The following PHLDB2 variants were observed in gnomAD, a reference collection of about 807,000 sequenced individuals.
The protein encoded by PHLDB2 is pleckstrin homology-like domain family B member 2.
In PHLDB2, 71 loss-of-function variants were observed where a neutral mutation model predicts 123.6. The observed-to-expected ratio is 0.57, with a 90% CI of 0.47 to 0.70. The LOEUF is 0.70. Among genes scored for constraint, PHLDB2 ranks in the 30% least tolerant of loss-of-function variants. The pLI, the probability that PHLDB2 is intolerant of heterozygous loss-of-function variation, is 0.00. For missense variants in PHLDB2, 1,446 were observed against 1,519.5 expected (o/e 0.95, Z 0.80); for synonymous variants, 547 against 541.6 (o/e 1.01, Z -0.14).
intron 1 of PHLDB2, among the ~76,000 whole-genome samples, chr3:111,860,325 C>T (rs2064762054): frequency 6.6e-6 from 1 of 152,052 alleles, no homozygotes; most frequent in South Asian, 2.1e-4. Flanking sequence ...CTTTAACCGC[C>T]AAAAGCGGCT....
chr3:111,862,909 C>T (rs2064903967), intron 1 of PHLDB2, among the ~76,000 whole-genome samples: 1 of 152,108 alleles, frequency 6.6e-6, no homozygotes, highest in Admixed American at 6.5e-5. Context: ...CTTTAGGACT[C>T]ATAAGGTCTC....
intron 1 of PHLDB2, among the ~76,000 whole-genome samples, chr3:111,761,194 A>G (rs1395514804): frequency 1.3e-5 from 2 of 151,776 alleles, no homozygotes; most frequent in Non-Finnish European, 2.9e-5. Context: ...AAAAAAAAAA[A>G]AAAAGAAAAA....
At chr3:111,845,865 C>T (rs373228894) in exon 2 of PHLDB2, 7 of 1,613,966 alleles carry the variant, frequency 4.3e-6, no homozygotes, top group Non-Finnish European at 5.9e-6. Context: ...AGCAGAAGAT[C>T]CTGATGGAGG....
At chr3:111,812,658 T>C (rs553034813) in intron 1 of PHLDB2, among the ~76,000 whole-genome samples, 1 of 152,306 alleles carries the variant, frequency 6.6e-6, no homozygotes, top group Non-Finnish European at 1.5e-5. Context: ...TTATCCCAAC[T>C]GTTCAAAGCA....
intron 1 of PHLDB2, among the ~76,000 whole-genome samples, chr3:111,881,456 G>A (rs1000261957): frequency 2.6e-5 from 4 of 152,160 alleles, no homozygotes; most frequent in Admixed American, 2.0e-4. Context: ...TTATGGGAGA[G>A]ATGAACTGCT....
At chr3:111,949,117 A>G in intron 10 of PHLDB2, 42 bp downstream of exon 10, 1 of 1,604,782 alleles carries the variant, frequency 6.2e-7, no homozygotes, top group Non-Finnish European at 8.5e-7. Flanking sequence ...GCTTTTCTTC[A>G]TGTCAGAAAT....
intron 2 of PHLDB2, among the ~76,000 whole-genome samples, chr3:111,898,117 A>G (rs1348164363): frequency 6.6e-6 from 1 of 151,654 alleles, no homozygotes; most frequent in Admixed American, 6.6e-5. Flanking sequence ...TGCTGACTGA[A>G]CAAGCTGGTG....
At chr3:111,754,090 T>G (rs1383796783) in intron 1 of PHLDB2, among the ~76,000 whole-genome samples, 1 of 152,096 alleles carries the variant, frequency 6.6e-6, no homozygotes, top group African/African-American at 2.4e-5. Flanking sequence ...GCGTGATGCC[T>G]CCAGCTTTGT....
intron 1 of PHLDB2, among the ~76,000 whole-genome samples, chr3:111,797,625 T>C (rs1182887823): frequency 6.6e-6 from 1 of 152,262 alleles, no homozygotes; most frequent in Non-Finnish European, 1.5e-5. Context: ...TGTGGAACTT[T>C]TTCATTGCTT....
intron 5 of PHLDB2, among the ~76,000 whole-genome samples, chr3:111,923,303 G>A (rs2068629579): frequency 6.6e-6 from 1 of 152,164 alleles, no homozygotes; most frequent in Admixed American, 6.5e-5. Context: ...ACAGGGGACA[G>A]CTCTTTTCTT....
intron 1 of PHLDB2, among the ~76,000 whole-genome samples, chr3:111,759,572 C>T (rs1051796445): frequency 1.1e-4 from 16 of 152,180 alleles, no homozygotes; most frequent in Non-Finnish European, 5.9e-5. Context: ...TATGCATGCA[C>T]AGTGAGGAAT....
intron 1 of PHLDB2, among the ~76,000 whole-genome samples, chr3:111,732,978 A>G (rs1941551581): frequency 6.6e-6 from 1 of 152,216 alleles, no homozygotes; most frequent in African/African-American, 2.4e-5. Context: ...AACAAATTAT[A>G]TGTGCGATTT....
chr3:111,831,539 A>G (rs563481689), intron 1 of PHLDB2, among the ~76,000 whole-genome samples: 1 of 152,178 alleles, frequency 6.6e-6, no homozygotes, highest in Non-Finnish European at 1.5e-5. Flanking sequence ...TGGCTCTACA[A>G]CATACCACTA....
chr3:111,786,719 C>T (rs979258159), intron 1 of PHLDB2, among the ~76,000 whole-genome samples: 2 of 152,038 alleles, frequency 1.3e-5, no homozygotes, highest in Non-Finnish European at 2.9e-5. Flanking sequence ...TTATCTCACC[C>T]GGGCTACAGT....
intron 1 of PHLDB2, among the ~76,000 whole-genome samples, chr3:111,745,046 C>G: frequency 6.6e-6 from 1 of 152,148 alleles, no homozygotes; most frequent in East Asian, 1.9e-4. Flanking sequence ...AAGCTCATAA[C>G]AGAGAAGAAA....
At chr3:111,743,018 C>T (rs2059628880) in intron 1 of PHLDB2, among the ~76,000 whole-genome samples, 1 of 152,130 alleles carries the variant, frequency 6.6e-6, no homozygotes. Context: ...GAACACAAAG[C>T]AGAAAAGTTT....
intron 2 of PHLDB2, among the ~76,000 whole-genome samples, chr3:111,890,607 A>G (rs903076501): frequency 3.3e-5 from 5 of 152,238 alleles, no homozygotes; most frequent in African/African-American, 1.2e-4. Context: ...TTCACTAAGC[A>G]TAATATCTGT....
At chr3:111,812,945 C>T (rs1020851129) in intron 1 of PHLDB2, among the ~76,000 whole-genome samples, 1 of 152,104 alleles carries the variant, frequency 6.6e-6, no homozygotes, top group African/African-American at 2.4e-5. Context: ...GGATGCTTCC[C>T]CCATAGCATT....
chr3:111,894,780 T>A (rs1234875637), intron 2 of PHLDB2, among the ~76,000 whole-genome samples: 1 of 152,190 alleles, frequency 6.6e-6, no homozygotes, highest in African/African-American at 2.4e-5. Flanking sequence ...GTAAATTTGT[T>A]TGAGTTCATT....
Sources: gnomAD v4.1 joint callset for allele counts (sites outside exome capture counted in the v4.1 genomes callset) on GRCh38, gnomAD v4.1.1 for gene constraint, MANE v1.5 for transcripts, NCBI Gene and HGNC (gene_info 2026-07-23, HGNC 2026-07-21) for gene names.